PTPN13: variants seen among roughly 807,000 people sequenced by gnomAD.
PTPN13 encodes tyrosine-protein phosphatase non-receptor type 13.
In PTPN13, 191 loss-of-function variants were observed where a neutral mutation model predicts 284.0. That is an observed-to-expected ratio of 0.67 (90% CI 0.60 to 0.76). The LOEUF is 0.76. Ranked by LOEUF, PTPN13 falls within the 30% of genes least tolerant of loss-of-function variation. The pLI, the probability that PTPN13 is intolerant of heterozygous loss-of-function variation, is 0.00. For synonymous variants in PTPN13, 986 were observed against 1,022.3 expected, an observed-to-expected ratio of 0.96 and a Z score of 0.68; for missense variants, 2,797 against 2,939.9, an observed-to-expected ratio of 0.95 and a Z score of 1.12.
At chr4:86,756,813 C>A (rs1738028262) in intron 20 of PTPN13, among the ~76,000 whole-genome samples, 1 of 152,064 alleles carries the variant, frequency 6.6e-6, no homozygotes, top group African/African-American at 2.4e-5. Flanking sequence ...GTTGCACATA[C>A]AGAAATAAAG....
At chr4:86,778,482 G>GA (rs70948798) in intron 35 of PTPN13, among the ~76,000 whole-genome samples, 42,514 of 151,786 alleles carry the variant, frequency 0.28, 5,998 homozygotes, top group East Asian at 0.31. Flanking sequence ...AGCAGTGCCT[G>GA]GTATCACATC....
At chr4:86,812,920 A>G (rs1256685709) in intron 47 of PTPN13, among the ~76,000 whole-genome samples, 1 of 151,994 alleles carries the variant, frequency 6.6e-6, no homozygotes, top group Non-Finnish European at 1.5e-5. Flanking sequence ...CAAAGAGATC[A>G]ATTAGGTGAC....
chr4:86,655,177 G>A (rs868489089), intron 2 of PTPN13, among the ~76,000 whole-genome samples: 2 of 151,976 alleles, frequency 1.3e-5, no homozygotes, highest in Admixed American at 6.6e-5. Flanking sequence ...CACACTGATG[G>A]GTCTTGATTC....
intron 40 of PTPN13, among the ~76,000 whole-genome samples, chr4:86,793,072 TA>T: frequency 6.6e-6 from 1 of 152,120 alleles, no homozygotes; most frequent in Non-Finnish European, 1.5e-5. Context: ...GGCAATTGGA[TA>T]AAGAGTCAAG....
rs140745547 is a variant in PTPN13 at position 86,714,229 on chromosome 4, G to A, written c.1196-2301G>A. Among the ~76,000 whole-genome samples the A allele has an allele frequency of 8.0e-4, 121 of 152,112 alleles. 1 individual carries two copies. The highest frequency in any genetic ancestry group is 7.5e-4 in the Non-Finnish European group (51 of 67,986). On this transcript the variant is annotated intron_variant, in intron 7 of 47. Transcript: ENST00000411767. ...GTCAGAATTTCTTTAATCTTCTCAAGCCTTAGCCAAACAGGCTCCCAAGAG... is the reference window on the plus strand; with the variant it reads ...GTCAGAATTTCTTTAATCTTCTCAAACCTTAGCCAAACAGGCTCCCAAGAG...
intron 2 of PTPN13, among the ~76,000 whole-genome samples, chr4:86,646,457 C>G (rs544995177): frequency 2.5e-4 from 38 of 152,072 alleles, no homozygotes; most frequent in Middle Eastern, 6.8e-3. Context: ...GCCACCATAC[C>G]GGGCTATTTT....
intron 2 of PTPN13, among the ~76,000 whole-genome samples, chr4:86,653,319 G>A (rs1336743122): frequency 1.3e-5 from 2 of 151,926 alleles, no homozygotes; most frequent in Non-Finnish European, 2.9e-5. Context: ...TTGATGTCTG[G>A]GCATTGAAGA....
chr4:86,639,021 T>C (rs1329006267), intron 2 of PTPN13, among the ~76,000 whole-genome samples: 4 of 152,080 alleles, frequency 2.6e-5, no homozygotes, highest in African/African-American at 9.7e-5. Context: ...GCAAAGGATA[T>C]GAACAGACAC....
intron 1 of PTPN13, among the ~76,000 whole-genome samples, chr4:86,609,628 C>T (rs975207663): frequency 3.3e-5 from 5 of 152,114 alleles, no homozygotes; most frequent in African/African-American, 9.7e-5. Flanking sequence ...AATAGCATAA[C>T]TTATTTTTTC....
intron 37 of PTPN13, among the ~76,000 whole-genome samples, chr4:86,782,753 A>G (rs1310675888): frequency 6.6e-6 from 1 of 152,248 alleles, no homozygotes; most frequent in Non-Finnish European, 1.5e-5. Context: ...ATGCTTTACC[A>G]AATGATTAAA....
At chr4:86,618,782 C>G (rs947820577) in intron 1 of PTPN13, among the ~76,000 whole-genome samples, 5 of 152,124 alleles carry the variant, frequency 3.3e-5, no homozygotes, top group African/African-American at 1.2e-4. Context: ...GATTTTGTAT[C>G]CTGAGACTTT....
At chr4:86,705,103 G>A (rs570429327) in intron 7 of PTPN13, among the ~76,000 whole-genome samples, 1,905 of 152,072 alleles carry the variant, frequency 0.013, 23 homozygotes, top group South Asian at 0.055. Context: ...TGGGAGGCCA[G>A]GGCGGGCAGA....
At chr4:86,685,974 AAC>A (rs1729406700) in intron 3 of PTPN13, among the ~76,000 whole-genome samples, 1 of 152,236 alleles carries the variant, frequency 6.6e-6, no homozygotes, top group Non-Finnish European at 1.5e-5. Context: ...TGGTTAAATA[AAC>A]AGTGCTTTAA....
At chr4:86,665,656 T>A (rs1399685787) in intron 2 of PTPN13, among the ~76,000 whole-genome samples, 1 of 152,224 alleles carries the variant, frequency 6.6e-6, no homozygotes, top group East Asian at 1.9e-4. Context: ...AAAGAACAAA[T>A]TGATATTTTA....
chr4:86,765,763 A>G (rs1739229936), intron 26 of PTPN13, among the ~76,000 whole-genome samples: 1 of 152,130 alleles, frequency 6.6e-6, no homozygotes, highest in African/African-American at 2.4e-5. Context: ...GCTTTCATTC[A>G]TATTTTACAT....
chr4:86,788,293 T>G (rs1433712002), intron 40 of PTPN13, among the ~76,000 whole-genome samples: 1 of 152,182 alleles, frequency 6.6e-6, no homozygotes, highest in Non-Finnish European at 1.5e-5. Flanking sequence ...TGTTTCATCT[T>G]GTATTTCTAG....
At chr4:86,793,885 C>G (rs13116442) in intron 40 of PTPN13, among the ~76,000 whole-genome samples, 22,702 of 151,296 alleles carry the variant, frequency 0.15, 2,311 homozygotes, top group African/African-American at 0.28. Flanking sequence ...AGCACTAAAT[C>G]CCCACAAGAG....
At chr4:86,608,729 C>A (rs185150880) in intron 1 of PTPN13, among the ~76,000 whole-genome samples, 3 of 152,024 alleles carry the variant, frequency 2.0e-5, no homozygotes, top group African/African-American at 7.2e-5. Flanking sequence ...AAACACTATG[C>A]ACTAGGTATT....
At chr4:86,796,218 T>G (rs1743324911) in intron 40 of PTPN13, among the ~76,000 whole-genome samples, 1 of 152,182 alleles carries the variant, frequency 6.6e-6, no homozygotes, top group African/African-American at 2.4e-5. Flanking sequence ...TCTTGAAGCT[T>G]TTTTTAGATT....
Sources: gnomAD v4.1 joint callset for allele counts (sites outside exome capture counted in the v4.1 genomes callset) on GRCh38, gnomAD v4.1.1 for gene constraint, MANE v1.5 for transcripts, NCBI Gene and HGNC (gene_info 2026-07-23, HGNC 2026-07-21) for gene names.